THSD7B: variants seen among roughly 807,000 people sequenced by gnomAD.
THSD7B encodes thrombospondin type 1 domain containing 7B, also known as thrombospondin type-1 domain-containing protein 7B.
THSD7B carries 138 observed loss-of-function variants against 213.6 expected under a neutral mutation model. The ratio of observed to expected loss-of-function variants is 0.65; its 90% CI spans 0.56 to 0.74. The LOEUF is 0.74. THSD7B is among the 30% of genes least tolerant of loss of function. The probability of loss-of-function intolerance (pLI) is 0.00; values close to 1 mark genes in which losing one functional copy is unlikely to be tolerated. For missense variants in THSD7B, 1,931 were observed against 1,991.5 expected (o/e 0.97, Z 0.58); for synonymous variants, 742 against 687.0 (o/e 1.08, Z -1.25).
intron 17 of THSD7B, among the ~76,000 whole-genome samples, chr2:137,577,021 G>T (rs992445406): frequency 2.6e-5 from 4 of 152,058 alleles, no homozygotes; most frequent in Non-Finnish European, 5.9e-5. Context: ...ACCTGTATTT[G>T]TCTCTGGAGG....
At chr2:137,509,271 T>A (rs996086078) in intron 15 of THSD7B, among the ~76,000 whole-genome samples, 4 of 151,386 alleles carry the variant, frequency 2.6e-5, no homozygotes, top group South Asian at 2.1e-4. Context: ...CCTTCTTTCC[T>A]TCCTTCCTTT....
At chr2:136,800,464 A>G (rs1280482689) in intron 1 of THSD7B, among the ~76,000 whole-genome samples, 1 of 152,000 alleles carries the variant, frequency 6.6e-6, no homozygotes, top group Non-Finnish European at 1.5e-5. Context: ...TTCCCCACAA[A>G]GAGAGTTGTA....
chr2:137,042,187 T>G (rs1221010054), intron 2 of THSD7B, among the ~76,000 whole-genome samples: 2 of 152,214 alleles, frequency 1.3e-5, no homozygotes, highest in Non-Finnish European at 1.5e-5. Flanking sequence ...TGTTTTGTGG[T>G]TTTATGTGTT....
At position 137,450,873 on chromosome 2, in the gene THSD7B, C is replaced by T. The variant is rs1279554953; in HGVS notation, c.2988C>T (p.Pro996=). Residue 996 remains proline (P), a synonymous_variant, in exon 15 of 28, where the codon CCC becomes CCT. Transcript: ENST00000409968. ...SGYIQEKCVI[P]CPFDCKLSDW... is the part of the protein sequence containing the mutation. ...ACATTCAAGAAAAATGTGTCATTCC[C>T]TGCCCATTTGATTGCAAGTTAAGCG... 16 of 1,609,346 alleles carry T rather than the reference C, an allele frequency of 9.9e-6. No individual in the cohort carries two copies. The highest frequency in any genetic ancestry group is 1.3e-5 in the Non-Finnish European group (15 of 1,178,034).
chr2:137,398,651 A>G (rs1480983832), intron 12 of THSD7B, among the ~76,000 whole-genome samples: 1 of 152,064 alleles, frequency 6.6e-6, no homozygotes, highest in Non-Finnish European at 1.5e-5. Flanking sequence ...GGTGGAGCCT[A>G]CAGAGGCAGG....
At chr2:137,504,402 A>G (rs1327102600) in intron 15 of THSD7B, among the ~76,000 whole-genome samples, 1 of 152,034 alleles carries the variant, frequency 6.6e-6, no homozygotes, top group Non-Finnish European at 1.5e-5. Context: ...TTCTCCCTCA[A>G]CTCATGCCAT....
intron 2 of THSD7B, among the ~76,000 whole-genome samples, chr2:137,020,018 A>C (rs1486914664): frequency 6.6e-6 from 1 of 152,212 alleles, no homozygotes; most frequent in Non-Finnish European, 1.5e-5. Flanking sequence ...GTTAGGGATC[A>C]TGAAAACGCC....
At chr2:136,942,539 GT>G (rs1461902618) in intron 2 of THSD7B, among the ~76,000 whole-genome samples, 1 of 152,288 alleles carries the variant, frequency 6.6e-6, no homozygotes, top group African/African-American at 2.4e-5. Flanking sequence ...GCAGTGGTTT[GT>G]AGTTCTCCTT....
Position 137,393,877 on chromosome 2 carries a change from A to T in THSD7B, c.2501-11736A>T, listed in dbSNP as rs977055025. On this transcript the variant is annotated intron_variant, in intron 12 of 27. Transcript: ENST00000409968. ...TCTAACTGGTGTGAGATGGTATCTC[A>T]TTGTGGTTTTGATTTGCATTTCTCT... Among the ~76,000 whole-genome samples the T allele has an allele frequency of 5.7e-5, 8 of 140,622 alleles. 2 individuals carry two copies. Among genetic ancestry groups the T allele is most frequent in the African/African-American group, 1.6e-4 (6 of 38,160 alleles). The allele number at this position is 140,622 out of a possible 152,430, so 92.3% of individuals were successfully genotyped here. A position where few individuals can be genotyped will look rare whatever the true frequency, so the allele number is the denominator to read the frequency against.
intron 5 of THSD7B, among the ~76,000 whole-genome samples, chr2:137,139,440 A>G (rs1268880986): frequency 2.6e-5 from 4 of 152,196 alleles, no homozygotes; most frequent in African/African-American, 9.6e-5. Context: ...AGCCAATGTG[A>G]TACAGATGCA....
chr2:137,636,534 C>A (rs1453332667), intron 20 of THSD7B, among the ~76,000 whole-genome samples: 1 of 152,078 alleles, frequency 6.6e-6, no homozygotes, highest in Non-Finnish European at 1.5e-5. Flanking sequence ...ATAAAATAAA[C>A]CCACTTTCAT....
At chr2:137,636,718 G>T (rs1466643006) in intron 20 of THSD7B, among the ~76,000 whole-genome samples, 1 of 152,070 alleles carries the variant, frequency 6.6e-6, no homozygotes, top group Non-Finnish European at 1.5e-5. Context: ...GAAAATTTAT[G>T]CTCAGAAGAG....
chr2:136,827,577 G>A (rs1317418591), intron 1 of THSD7B, among the ~76,000 whole-genome samples: 3 of 152,140 alleles, frequency 2.0e-5, no homozygotes, highest in African/African-American at 4.8e-5. Flanking sequence ...GTGATGAGGG[G>A]CAGAAAGAAC....
At chr2:137,588,618 C>G (rs555805609) in intron 17 of THSD7B, among the ~76,000 whole-genome samples, 2 of 151,816 alleles carry the variant, frequency 1.3e-5, no homozygotes, top group African/African-American at 4.8e-5. Context: ...TGAAATCCAG[C>G]ACACATAGAT....
At chr2:137,187,204 G>A (rs1680567436) in intron 7 of THSD7B, among the ~76,000 whole-genome samples, 1 of 152,092 alleles carries the variant, frequency 6.6e-6, no homozygotes, top group South Asian at 2.1e-4. Flanking sequence ...TATTGTCTTA[G>A]GAACTGCTCT....
At chr2:137,401,146 A>T (rs191716435) in intron 12 of THSD7B, among the ~76,000 whole-genome samples, 2 of 152,304 alleles carry the variant, frequency 1.3e-5, no homozygotes, top group East Asian at 3.9e-4. Context: ...GACACTATAT[A>T]TCTTTAATAT....
intron 12 of THSD7B, among the ~76,000 whole-genome samples, chr2:137,363,103 T>C (rs1360923901): frequency 2.0e-5 from 3 of 151,940 alleles, no homozygotes; most frequent in Non-Finnish European, 4.4e-5. Context: ...TGCACAAATA[T>C]ATGGAAACTG....
intron 27 of THSD7B, among the ~76,000 whole-genome samples, chr2:137,673,843 G>A (rs770481205): frequency 1.2e-4 from 18 of 152,224 alleles, no homozygotes; most frequent in African/African-American, 3.6e-4. Context: ...TCATGTATTC[G>A]TAACTGTGAT....
chr2:137,537,372 T>C (rs1339263542), intron 15 of THSD7B, among the ~76,000 whole-genome samples: 2 of 151,716 alleles, frequency 1.3e-5, no homozygotes, highest in East Asian at 3.9e-4. Flanking sequence ...AAGCCAAACG[T>C]ATTCTTCTTT....
Sources: allele counts gnomAD v4.1 joint callset (sites outside exome capture counted in the v4.1 genomes callset), GRCh38; gene constraint gnomAD v4.1.1; transcripts MANE v1.5; gene names NCBI Gene and HGNC (gene_info 2026-07-23, HGNC 2026-07-21).